The following ITSN1 variants were observed in gnomAD, a reference collection of about 807,000 sequenced individuals.
ITSN1 encodes the protein intersectin-1.
In ITSN1, 58 loss-of-function variants were observed where a neutral mutation model predicts 239.8. The observed-to-expected ratio is 0.24, with a 90% CI of 0.20 to 0.30. The LOEUF (loss-of-function observed/expected upper bound fraction) is 0.30, where lower values mean the gene tolerates loss of function less well. ITSN1 is among the 10% of genes least tolerant of loss of function. The pLI is 1.00. For missense variants in ITSN1, 1,558 were observed against 2,103.3 expected, an observed-to-expected ratio of 0.74 and a Z score of 5.07; for synonymous variants, 780 against 770.8, an observed-to-expected ratio of 1.01 and a Z score of -0.20.
At chr21:33,861,790 C>CA (rs986575443) in intron 31 of ITSN1, among the ~76,000 whole-genome samples, 47 of 151,494 alleles carry the variant, frequency 3.1e-4, no homozygotes, top group African/African-American at 9.9e-4. Flanking sequence ...ACTAAAAATA[C>CA]AAAAAAATAG....
rs763369406 is a variant in ITSN1, at chr21:33,883,612, C to T, written c.4617C>T (p.Ile1539=). 1.2e-6 allele frequency: 2 copies of T among 1,613,842 alleles called. No individual in the cohort carries two copies. Among genetic ancestry groups the T allele is most frequent in the Admixed American group, 3.3e-5 (2 of 60,004 alleles). The change falls in exon 36 of 40, where the codon ATC becomes ATT. Residue 1539 remains isoleucine, a synonymous_variant. Coordinates refer to ENST00000381318, the MANE Select transcript of ITSN1 (RefSeq NM_003024.3). The stretch of plus-strand genomic sequence containing the variant: ...CCGACCCTTCTGGAGACGAGCCCAT[C>T]TTCCACATCTCCCACATTGACCGCG... The part of the protein sequence containing the change: ...LPTDPSGDEP[I]FHISHIDRVY...
At chr21:33,744,240 T>C (rs2067046219) in intron 5 of ITSN1, among the ~76,000 whole-genome samples, 1 of 152,026 alleles carries the variant, frequency 6.6e-6, no homozygotes, top group Admixed American at 6.5e-5. Flanking sequence ...TTGTCTGAGA[T>C]ATGTGGTAAA....
chr21:33,830,366 G>A (rs1220679032), intron 27 of ITSN1, among the ~76,000 whole-genome samples: 1 of 152,168 alleles, frequency 6.6e-6, no homozygotes, highest in Non-Finnish European at 1.5e-5. Context: ...AGCAGAAAAT[G>A]TGCATGGTCT....
At chr21:33,644,676 C>T (rs1194986566) in intron 1 of ITSN1, among the ~76,000 whole-genome samples, 1 of 146,594 alleles carries the variant, frequency 6.8e-6, no homozygotes, top group Non-Finnish European at 1.5e-5. Flanking sequence ...TTTTGGCAGT[C>T]GACTAGCAAT....
chr21:33,722,542 TTG>T (rs758769207), intron 3 of ITSN1, 44 bp from the exon 4 acceptor site: 100 of 1,537,802 alleles, frequency 6.5e-5, no homozygotes, highest in African/African-American at 4.0e-4. Flanking sequence ...CTGTCAGCTG[TTG>T]TTTTTTTTTT....
rs1986902406 is a variant in ITSN1, at chr21:33,898,323, G to A, written c.*10023G>A. On this transcript the variant is annotated 3_prime_UTR_variant, in exon 40 of 40. Coordinates refer to ENST00000381318, the MANE Select transcript of ITSN1 (RefSeq NM_003024.3). ...CAACTGTTGCATAGCCAGGTGGGTG[G>A]ATGGATGGTTTAGGGTTTCTGAGTT... The A allele has an allele frequency of 6.6e-6, 1 of 152,236 alleles. No homozygotes were observed. The highest frequency in any genetic ancestry group is 2.1e-4 in the South Asian group (1 of 4,836). 9.4% of individuals were successfully genotyped at this position (152,236 alleles called of 1,614,324 possible).
At chr21:33,816,665 G>A (rs961511164) in intron 22 of ITSN1, among the ~76,000 whole-genome samples, 4 of 152,218 alleles carry the variant, frequency 2.6e-5, no homozygotes, top group African/African-American at 7.2e-5. Flanking sequence ...TGAGGGCACA[G>A]TTGAAAGGCC....
chr21:33,859,534 A>G (rs1980062737), intron 31 of ITSN1, among the ~76,000 whole-genome samples: 1 of 152,156 alleles, frequency 6.6e-6, no homozygotes, highest in Non-Finnish European at 1.5e-5. Context: ...CACAGCCTGC[A>G]GGGCGCGTGA....
At chr21:33,763,320 G>A (rs1334181324) in intron 9 of ITSN1, among the ~76,000 whole-genome samples, 7 of 150,592 alleles carry the variant, frequency 4.6e-5, no homozygotes, top group African/African-American at 7.3e-5. Flanking sequence ...TGAAGAGTGC[G>A]TCACTGTGGG....
rs10529259 is a variant in ITSN1 at position 33,877,059 on chromosome 21, C to CTTTTTTTTTTTTTTTTTTTTTTTTTTTT, written c.4341+1550_4341+1551insTTTTTTTTTTTTTTTTTTTTTTTTTTTT. Among the ~76,000 whole-genome samples the CTTTTTTTTTTTTTTTTTTTTTTTTTTTT allele has an allele frequency of 1.7e-4, 18 of 106,404 alleles. 8 individuals are homozygous for CTTTTTTTTTTTTTTTTTTTTTTTTTTTT. Among genetic ancestry groups the CTTTTTTTTTTTTTTTTTTTTTTTTTTTT allele is most frequent in the Non-Finnish European group, 2.0e-4 (11 of 55,768 alleles). The allele number at this position is 106,404 out of a possible 152,430, so 69.8% of individuals were successfully genotyped here. On this transcript the variant is annotated intron_variant, in intron 34 of 39. Transcript: ENST00000381318. ...TCCTTAGAACTTTACCTGTGGGCACCTTTTTTTTTTTTGAAATGGAGTCTC... is the reference window on the plus strand; with the variant it reads ...TCCTTAGAACTTTACCTGTGGGCACCTTTTTTTTTTTTTTTTTTTTTTTTTTTTTTTTTTTTTTTTGAAATGGAGTCTC...
At chr21:33,709,459 C>CA (rs2092349628) in intron 1 of ITSN1, among the ~76,000 whole-genome samples, 1 of 152,106 alleles carries the variant, frequency 6.6e-6, no homozygotes, top group Non-Finnish European at 1.5e-5. Context: ...CATGTGCCAC[C>CA]ATGCCTGGCT....
At chr21:33,796,725 A>G (rs1448492674) in intron 17 of ITSN1, among the ~76,000 whole-genome samples, 1 of 152,202 alleles carries the variant, frequency 6.6e-6, no homozygotes, top group Non-Finnish European at 1.5e-5. Context: ...GAGTTAATAT[A>G]TGGGGAGCTA....
intron 14 of ITSN1, among the ~76,000 whole-genome samples, chr21:33,778,214 G>A (rs1459060558): frequency 6.6e-6 from 1 of 151,954 alleles, no homozygotes; most frequent in Non-Finnish European, 1.5e-5. Flanking sequence ...TAAATCTGTT[G>A]AATTCAATTC....
At chr21:33,830,896 G>T (rs1569270027) in intron 27 of ITSN1, among the ~76,000 whole-genome samples, 1 of 151,296 alleles carries the variant, frequency 6.6e-6, no homozygotes, top group Non-Finnish European at 1.5e-5. Context: ...GCAGAGAAGA[G>T]GGTGGGGGGG....
At chr21:33,690,817 AT>A (rs1568946931) in intron 1 of ITSN1, among the ~76,000 whole-genome samples, 3 of 54,106 alleles carry the variant, frequency 5.5e-5, no homozygotes, top group African/African-American at 2.2e-4. Flanking sequence ...ATATATATGT[AT>A]ATATATATAT....
rs766027607 is a variant in ITSN1 at position 33,773,441 on chromosome 21, G to A, written c.1305+1118G>A. 6.4e-4 allele frequency among the ~76,000 whole-genome samples: 98 copies of A among 152,212 alleles called. 2 individuals are homozygous for A. The highest frequency in any genetic ancestry group is 1.6e-4 in the Non-Finnish European group (11 of 68,016). ...AATCTTGTCTCTCTTTCCAATTTTA[G>A]TACATTACTGCAGAAGCAACACATG... On this transcript the variant is annotated intron_variant, in intron 12 of 39. Coordinates refer to ENST00000381318, the MANE Select transcript of ITSN1 (RefSeq NM_003024.3).
At chr21:33,824,988 A>G (rs952808248) in intron 25 of ITSN1, among the ~76,000 whole-genome samples, 7 of 152,316 alleles carry the variant, frequency 4.6e-5, no homozygotes, top group East Asian at 1.9e-4. Flanking sequence ...GTCGAGTCCA[A>G]TGAGAGTCAT....
intron 14 of ITSN1, among the ~76,000 whole-genome samples, chr21:33,780,747 G>C (rs1435971937): frequency 1.3e-5 from 2 of 152,184 alleles, no homozygotes; most frequent in Non-Finnish European, 2.9e-5. Flanking sequence ...TAGGAAGGCT[G>C]CCATTTTACT....
chr21:33,816,747 G>A (rs2148246500), intron 22 of ITSN1, among the ~76,000 whole-genome samples: 1 of 152,336 alleles, frequency 6.6e-6, no homozygotes, highest in South Asian at 2.1e-4. Flanking sequence ...AGGGCTGTGG[G>A]ATGAGGAGCT....
Sources: allele counts gnomAD v4.1 joint callset (sites outside exome capture counted in the v4.1 genomes callset), GRCh38; gene constraint gnomAD v4.1.1; transcripts MANE v1.5; gene names NCBI Gene and HGNC (gene_info 2026-07-23, HGNC 2026-07-21).